The following RFX3 variants were observed in gnomAD, a reference collection of about 807,000 sequenced individuals.
RFX3 encodes regulatory factor X3, also known as transcription factor RFX3.
RFX3 carries 14 observed loss-of-function variants against 98.6 expected under a neutral mutation model. The ratio of observed to expected loss-of-function variants is 0.14; its 90% CI spans 0.09 to 0.22. The LOEUF (loss-of-function observed/expected upper bound fraction) is 0.22. Among genes scored for constraint, RFX3 ranks in the 10% least tolerant of loss-of-function variants. The pLI is 1.00. For synonymous variants in RFX3, 383 were observed against 328.4 expected (o/e 1.17, Z -1.80); for missense variants, 639 against 926.9 (o/e 0.69, Z 4.03).
chr9:3,522,600 C>G (rs1008213626), intron 1 of RFX3, among the ~76,000 whole-genome samples: 8 of 151,306 alleles, frequency 5.3e-5, no homozygotes, highest in African/African-American at 1.7e-4. Context: ...ACTTTTGCCA[C>G]ACATCTGCTG....
chr9:3,452,927 T>G (rs1033537500), intron 1 of RFX3, among the ~76,000 whole-genome samples: 1 of 152,326 alleles, frequency 6.6e-6, no homozygotes, highest in African/African-American at 2.4e-5. Context: ...CAAGTTCTTT[T>G]GTACCAAATC....
intron 5 of RFX3, among the ~76,000 whole-genome samples, chr9:3,298,323 C>T (rs1422720259): frequency 6.6e-6 from 1 of 151,724 alleles, no homozygotes; most frequent in East Asian, 1.9e-4. Context: ...CAGAAGAAGA[C>T]CACCCTTTAC....
At chr9:3,418,523 G>A (rs1843170764) in intron 1 of RFX3, among the ~76,000 whole-genome samples, 1 of 151,920 alleles carries the variant, frequency 6.6e-6, no homozygotes, top group Non-Finnish European at 1.5e-5. Flanking sequence ...AGGATTACAG[G>A]CACCCACCAC....
At chr9:3,499,768 A>G (rs1033784712) in intron 1 of RFX3, among the ~76,000 whole-genome samples, 5 of 152,160 alleles carry the variant, frequency 3.3e-5, no homozygotes, top group Non-Finnish European at 5.9e-5. Flanking sequence ...CCACACACAC[A>G]AAAATAATAA....
Position 3,225,187 on chromosome 9 carries a change from G to C in RFX3, c.2105C>G (p.Ala702Gly). The change falls in exon 17 of 17, where the codon GCA becomes GGA. Residue 702 changes from alanine (A) to glycine (G), a missense_variant. Around this residue, in one of 9 missense-constraint regions of RFX3, gnomAD observed 129 missense variants for 124.6 expected, o/e 1.04. Coordinates refer to ENST00000617270, the MANE Select transcript of RFX3 (RefSeq NM_001282116.2). The stretch of plus-strand genomic sequence containing the variant: ...AGGCTGCATGCAGCCCACTGGAAAT[G>C]CCTGGCTCAGCTCTGTTTTCTCTCT... Reference protein sequence around the residue: ...AKREKTELSQAFPVGCMQPVL... With the variant: ...AKREKTELSQGFPVGCMQPVL... The C allele has an allele frequency of 6.2e-7, 1 of 1,613,932 alleles. No homozygotes were observed. Among genetic ancestry groups the C allele is most frequent in the Non-Finnish European group, 8.5e-7 (1 of 1,179,940 alleles).
At chr9:3,414,692 A>ATATATGAGTATATATG (rs1564069351) in intron 1 of RFX3, among the ~76,000 whole-genome samples, 405 of 92,448 alleles carry the variant, frequency 4.4e-3, no homozygotes, top group African/African-American at 0.031. Flanking sequence ...GTATATATGT[A>ATATATGAGTATATATG]TATATGAGTA....
At chr9:3,519,812 G>T (rs1026482908) in intron 1 of RFX3, among the ~76,000 whole-genome samples, 1 of 151,630 alleles carries the variant, frequency 6.6e-6, no homozygotes, top group Non-Finnish European at 1.5e-5. Flanking sequence ...TTTTCACTAA[G>T]AACACTCTGC....
At chr9:3,391,171 C>G (rs1170004918) in intron 2 of RFX3, among the ~76,000 whole-genome samples, 1 of 151,892 alleles carries the variant, frequency 6.6e-6, no homozygotes, top group Admixed American at 6.6e-5. Flanking sequence ...TTTGCAAACC[C>G]AAGATAATAG....
chr9:3,525,935 AGAGAGGGAGAGAGAGAGAGAGCGAGAGG>A lies in RFX3; in HGVS notation c.-225_-198del. ...TTGCTATAACTCACAAAAGAGAGAG[AGAGAGGGAGAGAGAGAGAGAGCGAGAGG>A]GAGAGGGAGACACTCGCACGGGGAG... On this transcript the variant is annotated 5_prime_UTR_variant, in exon 1 of 17. Transcript: ENST00000617270. 1 of 923,352 alleles carries A rather than the reference AGAGAGGGAGAGAGAGAGAGAGCGAGAGG, an allele frequency of 1.1e-6. No individual in the cohort carries two copies. Among genetic ancestry groups the A allele is most frequent in the Non-Finnish European group, 1.3e-6 (1 of 779,698 alleles). 57.2% of individuals were successfully genotyped at this position (923,352 alleles called of 1,614,324 possible). A position where few individuals can be genotyped will look rare whatever the true frequency, so the allele number is the denominator to read the frequency against.
chr9:3,510,361 C>G (rs1817553281), intron 1 of RFX3, among the ~76,000 whole-genome samples: 1 of 151,970 alleles, frequency 6.6e-6, no homozygotes, highest in Non-Finnish European at 1.5e-5. Context: ...AAACAAAACT[C>G]TCCTTTAAAT....
chr9:3,444,094 T>C (rs1845831966), intron 1 of RFX3, among the ~76,000 whole-genome samples: 1 of 152,188 alleles, frequency 6.6e-6, no homozygotes, highest in Non-Finnish European at 1.5e-5. Flanking sequence ...AAAGCATTTG[T>C]CCAAAATCAT....
chr9:3,500,444 A>G (rs1413495367), intron 1 of RFX3, among the ~76,000 whole-genome samples: 1 of 152,184 alleles, frequency 6.6e-6, no homozygotes, highest in Non-Finnish European at 1.5e-5. Flanking sequence ...CAATAATTAT[A>G]TATTCCTTGC....
At chr9:3,307,209 G>A (rs1022366294) in intron 4 of RFX3, among the ~76,000 whole-genome samples, 1 of 152,040 alleles carries the variant, frequency 6.6e-6, no homozygotes, top group African/African-American at 2.4e-5. Flanking sequence ...GCCCAGTCTC[G>A]TGTATGTCTT....
At chr9:3,491,406 C>A (rs1171712422) in intron 1 of RFX3, among the ~76,000 whole-genome samples, 1 of 152,138 alleles carries the variant, frequency 6.6e-6, no homozygotes, top group Non-Finnish European at 1.5e-5. Context: ...TATTTTCTGA[C>A]ATGAGGCCTT....
chr9:3,286,946 TCTCC>T (rs1826685483), intron 7 of RFX3, among the ~76,000 whole-genome samples: 1 of 151,880 alleles, frequency 6.6e-6, no homozygotes, highest in African/African-American at 2.4e-5. Flanking sequence ...AACTTCCCAA[TCTCC>T]CTTTCTCCCA....
At chr9:3,312,808 G>C (rs1034681356) in intron 4 of RFX3, among the ~76,000 whole-genome samples, 6 of 152,196 alleles carry the variant, frequency 3.9e-5, no homozygotes. Flanking sequence ...GTGGCAGTGA[G>C]GCTGGGAGAG....
rs370241250 is a variant in RFX3, at chr9:3,363,418, C to T, written c.118-16654G>A. On this transcript the variant is annotated intron_variant, in intron 2 of 16. Transcript: ENST00000617270. ...ATAGATACAGATTCATACTTACTCC[C>T]GGTGTCTATTGATATTATGCATATT... Among the ~76,000 whole-genome samples, 17 of 152,040 alleles carry T rather than the reference C, an allele frequency of 1.1e-4. No homozygotes were observed. The East Asian group carries it at 1.2e-3, about 10-fold the overall frequency.
chr9:3,347,104 T>C (rs1479257591), intron 2 of RFX3, among the ~76,000 whole-genome samples: 1 of 152,142 alleles, frequency 6.6e-6, no homozygotes, highest in Non-Finnish European at 1.5e-5. Context: ...GCAGATTGCC[T>C]GAGCTCAGGA....
At chr9:3,274,797 G>C (rs757637204) in intron 9 of RFX3, among the ~76,000 whole-genome samples, 4 of 151,708 alleles carry the variant, frequency 2.6e-5, no homozygotes, top group Admixed American at 1.3e-4. Flanking sequence ...CCTTCACAAA[G>C]GCAACCACTG....
Sources: allele counts gnomAD v4.1 joint callset (sites outside exome capture counted in the v4.1 genomes callset), GRCh38; gene constraint gnomAD v4.1.1; regional missense constraint gnomAD v4.1.1; transcripts MANE v1.5; gene names NCBI Gene and HGNC (gene_info 2026-07-23, HGNC 2026-07-21).